The following RBMS1 variants were observed in gnomAD, a reference collection of about 807,000 sequenced individuals.
RBMS1 encodes the protein RNA-binding motif, single-stranded-interacting protein 1.
RBMS1 carries 17 observed loss-of-function variants against 62.3 expected under a neutral mutation model. That is an observed-to-expected ratio of 0.27 (90% CI 0.19 to 0.41). The LOEUF (loss-of-function observed/expected upper bound fraction) is 0.41, where lower values mean the gene tolerates loss of function less well. Among genes scored for constraint, RBMS1 ranks in the 10% least tolerant of loss-of-function variants. The pLI is 1.00. For missense variants in RBMS1, 334 were observed against 504.5 expected, an observed-to-expected ratio of 0.66 and a Z score of 3.24; for synonymous variants, 172 against 170.0, an observed-to-expected ratio of 1.01 and a Z score of -0.09.
intron 1 of RBMS1, among the ~76,000 whole-genome samples, chr2:160,404,712 C>T (rs779255475): frequency 5.9e-5 from 9 of 152,190 alleles, no homozygotes; most frequent in Non-Finnish European, 1.0e-4. Context: ...TCATTCAGTA[C>T]AGCCACATTT....
intron 6 of RBMS1, among the ~76,000 whole-genome samples, chr2:160,297,720 A>C (rs943901501): frequency 3.9e-5 from 6 of 152,222 alleles, no homozygotes; most frequent in African/African-American, 1.4e-4. Flanking sequence ...GCCAGGCTAA[A>C]GGGAACCAAA....
chr2:160,317,546 C>G (rs1690292007), intron 3 of RBMS1, among the ~76,000 whole-genome samples: 1 of 152,090 alleles, frequency 6.6e-6, no homozygotes, highest in African/African-American at 2.4e-5. Flanking sequence ...ATGAGCTCAT[C>G]CTAATTACAT....
At chr2:160,380,536 T>C (rs1389581056) in intron 1 of RBMS1, among the ~76,000 whole-genome samples, 1 of 152,222 alleles carries the variant, frequency 6.6e-6, no homozygotes, top group African/African-American at 2.4e-5. Context: ...AGGAAGAGGA[T>C]ACACAAACAG....
At chr2:160,484,671 A>G (rs1276250013) in intron 1 of RBMS1, among the ~76,000 whole-genome samples, 1 of 151,444 alleles carries the variant, frequency 6.6e-6, no homozygotes, top group Non-Finnish European at 1.5e-5. Context: ...GGAGATCGAG[A>G]CCATCCTGGC....
chr2:160,379,859 C>T (rs113448025), intron 1 of RBMS1, among the ~76,000 whole-genome samples: 2 of 152,126 alleles, frequency 1.3e-5, no homozygotes, highest in African/African-American at 4.8e-5. Flanking sequence ...CAAAGAACCT[C>T]GGACAACATA....
At chr2:160,492,214 G>A (rs1417422060) in intron 1 of RBMS1, among the ~76,000 whole-genome samples, 1 of 152,202 alleles carries the variant, frequency 6.6e-6, no homozygotes, top group Non-Finnish European at 1.5e-5. Context: ...AGTTGTGATA[G>A]ATGTTAATGG....
At chr2:160,461,290 A>G (rs2105332241) in intron 1 of RBMS1, among the ~76,000 whole-genome samples, 1 of 152,312 alleles carries the variant, frequency 6.6e-6, no homozygotes, top group South Asian at 2.1e-4. Flanking sequence ...AAAGAAAGAG[A>G]GAAAGAGAAA....
chr2:160,419,441 C>T (rs1696329183), intron 1 of RBMS1, among the ~76,000 whole-genome samples: 1 of 152,076 alleles, frequency 6.6e-6, no homozygotes, highest in Admixed American at 6.6e-5. Flanking sequence ...TTGTTTTAGT[C>T]CCATGTCTAC....
chr2:160,419,175 T>C (rs1201575942), intron 1 of RBMS1, among the ~76,000 whole-genome samples: 1 of 152,166 alleles, frequency 6.6e-6, no homozygotes, highest in Non-Finnish European at 1.5e-5. Flanking sequence ...AATTCTGTAA[T>C]TTGTAATTTC....
chr2:160,427,162 A>C (rs1682672006), intron 1 of RBMS1, among the ~76,000 whole-genome samples: 1 of 152,220 alleles, frequency 6.6e-6, no homozygotes, highest in Non-Finnish European at 1.5e-5. Flanking sequence ...TTTCCATCTA[A>C]GGGATGATTC....
chr2:160,420,175 C>G (rs2105267548), intron 1 of RBMS1, among the ~76,000 whole-genome samples: 1 of 152,288 alleles, frequency 6.6e-6, no homozygotes, highest in East Asian at 1.9e-4. Context: ...ACTCCCACAT[C>G]AAATGCAAAT....
At chr2:160,487,939 T>G (rs1428279675) in intron 1 of RBMS1, among the ~76,000 whole-genome samples, 1 of 152,190 alleles carries the variant, frequency 6.6e-6, no homozygotes, top group African/African-American at 2.4e-5. Flanking sequence ...GTTTGAAAAA[T>G]TAAAATATTC....
intron 1 of RBMS1, among the ~76,000 whole-genome samples, chr2:160,418,628 A>G (rs1370684141): frequency 6.6e-6 from 1 of 152,174 alleles, no homozygotes; most frequent in African/African-American, 2.4e-5. Flanking sequence ...CTCTTCTTCC[A>G]TATGCAGCAT....
At chr2:160,348,098 A>G (rs1188518221) in intron 2 of RBMS1, among the ~76,000 whole-genome samples, 1 of 152,130 alleles carries the variant, frequency 6.6e-6, no homozygotes, top group East Asian at 1.9e-4. Context: ...TGATCCAATT[A>G]AAGGATGCTA....
chr2:160,470,804 T>C (rs760339528), intron 1 of RBMS1, among the ~76,000 whole-genome samples: 4 of 152,110 alleles, frequency 2.6e-5, no homozygotes, highest in Non-Finnish European at 4.4e-5. Flanking sequence ...TATGCCTAGT[T>C]AAGAATATCT....
At chr2:160,432,059 A>G (rs925244844) in intron 1 of RBMS1, among the ~76,000 whole-genome samples, 10 of 152,194 alleles carry the variant, frequency 6.6e-5, no homozygotes, top group African/African-American at 2.4e-4. Flanking sequence ...ATTCAATACT[A>G]TTTATTGAAC....
At chr2:160,452,908 G>A (rs906199587) in intron 1 of RBMS1, among the ~76,000 whole-genome samples, 6 of 152,220 alleles carry the variant, frequency 3.9e-5, no homozygotes, top group South Asian at 2.1e-4. Flanking sequence ...TGAGGGAAGT[G>A]ATAAGTTGTG....
At chr2:160,422,072 A>G (rs992734139) in intron 1 of RBMS1, among the ~76,000 whole-genome samples, 2 of 152,220 alleles carry the variant, frequency 1.3e-5, no homozygotes, top group Admixed American at 6.5e-5. Context: ...ACCTAAATCT[A>G]CTGTTCAGCT....
chr2:160,318,062 C>T, intron 3 of RBMS1, 107 bp downstream of exon 3: 1 of 1,470,074 alleles, frequency 6.8e-7, no homozygotes, highest in East Asian at 2.4e-5. Context: ...TATATAAGAT[C>T]TGGTTTTTAA....
Sources: allele counts gnomAD v4.1 joint callset (sites outside exome capture counted in the v4.1 genomes callset), GRCh38; gene constraint gnomAD v4.1.1; transcripts MANE v1.5; gene names NCBI Gene and HGNC (gene_info 2026-07-23, HGNC 2026-07-21).